The following MTMR11 variants were observed in gnomAD, a reference collection of about 807,000 sequenced individuals.
The protein encoded by MTMR11 is myotubularin-related protein 11.
In MTMR11, 89 loss-of-function variants were observed where a neutral mutation model predicts 100.0. The observed-to-expected ratio is 0.89, with a 90% CI of 0.75 to 1.06. The LOEUF (loss-of-function observed/expected upper bound fraction) is 1.06, where lower values mean the gene tolerates loss of function less well. Among genes scored for constraint, MTMR11 ranks in the 50% least tolerant of loss-of-function variants. The probability of loss-of-function intolerance (pLI) is 0.00; values close to 1 mark genes in which losing one functional copy is unlikely to be tolerated. For missense variants in MTMR11, 809 were observed against 873.7 expected (o/e 0.93, Z 0.93); for synonymous variants, 336 against 326.3 (o/e 1.03, Z -0.32).
Position 149,935,645 on chromosome 1 carries a change from C to A in MTMR11, c.203G>T (p.Gly68Val). ...VRKGLEPELS[G>V]TLICTNFRVT... The stretch of plus-strand genomic sequence containing the variant: ...CCTAAAGTTGGTACAGATCAGGGTT[C>A]CAGACAATTCTGGTTCCAGGCCCTT... The change falls in exon 3 of 17, where the codon GGA (glycine) becomes GTA (valine). Residue 68 changes from glycine to valine, a missense_variant. Physicochemically the swap from Gly to Val is moderately radical, Grantham distance 109. Transcript: ENST00000439741. 1 of 1,614,090 alleles carries A rather than the reference C, an allele frequency of 6.2e-7. No individual in the cohort carries two copies. The highest frequency in any genetic ancestry group is 8.5e-7 in the Non-Finnish European group (1 of 1,179,978).
At chr1:149,936,104 G>C (rs782144129) in intron 2 of MTMR11, 50 bp downstream of exon 2, 1 of 1,557,872 alleles carries the variant, frequency 6.4e-7, no homozygotes, top group South Asian at 1.1e-5. Context: ...AAACAAGATT[G>C]GCGTAGGATG....
Position 149,930,912 on chromosome 1 carries a change from A to C in MTMR11, c.1344T>G (p.Phe448Leu). ...LDCVWQLLQQ[F>L]PADFEFSEFF... ...ACTCAGAGAATTCAAAATCAGCTGG[A>C]AACTGCTGGAGGAGCTGCCAGACAC... The change falls in exon 14 of 17, where the codon TTT becomes TTG. Residue 448 changes from phenylalanine to leucine, a missense_variant. Physicochemically the swap from Phe to Leu is conservative, Grantham distance 22. Coordinates refer to ENST00000439741, the MANE Select transcript of MTMR11 (RefSeq NM_001145862.2). The C allele has an allele frequency of 6.2e-7, 1 of 1,613,230 alleles. No homozygotes were observed. Among genetic ancestry groups the C allele is most frequent in the African/African-American group, 1.3e-5 (1 of 74,962 alleles).
chr1:149,933,691 G>A lies in MTMR11; in HGVS notation c.779C>T (p.Ser260Phe). The A allele has an allele frequency of 6.2e-7, 1 of 1,614,174 alleles. No homozygotes were observed. Among genetic ancestry groups the A allele is most frequent in the Non-Finnish European group, 8.5e-7 (1 of 1,180,030 alleles). Residue 260 changes from serine (S) to phenylalanine (F), a missense_variant, in exon 9 of 17, where the codon TCC becomes TTC. Physicochemically the swap from Ser to Phe is radical, Grantham distance 155 (BLOSUM62 -2). Coordinates refer to ENST00000439741, the MANE Select transcript of MTMR11 (RefSeq NM_001145862.2). ...ATCACTGCCCCCAGGGTGATGCCAG[G>A]ACAAGCGCTTCACATGGGGCAGAAG... ...HFHQGRGPRL[S>F]WHHPGGSDLL...
Position 149,930,502 on chromosome 1 carries a change from G to C in MTMR11, c.1510C>G (p.Pro504Ala). The change falls in exon 15 of 17, where the codon CCA becomes GCA. Residue 504 changes from proline to alanine, a missense_variant. Pro to Ala is a conservative substitution (Grantham distance 27). Coordinates refer to ENST00000439741, the MANE Select transcript of MTMR11 (RefSeq NM_001145862.2). ...QVYTPGYSQP[P>A]AGNSFNLQLS... is the part of the protein sequence containing the mutation. The stretch of plus-strand genomic sequence containing the variant: ...TGCAGGTTAAAAGAGTTCCCAGCTG[G>C]AGGCTGGGAGTATCCTGGGGTGTAG... 1 of 1,613,924 alleles carries C rather than the reference G, an allele frequency of 6.2e-7. No homozygotes were observed. Among genetic ancestry groups the C allele is most frequent in the Admixed American group, 1.7e-5 (1 of 60,016 alleles).
rs1553766773 is a variant in MTMR11 at position 149,929,172 on chromosome 1, A to G, written c.2087T>C (p.Ile696Thr). The G allele has an allele frequency of 1.2e-6, 2 of 1,613,764 alleles. No homozygotes were observed. Among genetic ancestry groups the G allele is most frequent in the South Asian group, 2.2e-5 (2 of 91,052 alleles). The change falls in exon 17 of 17, where the codon ATT becomes ACT. Residue 696 changes from isoleucine to threonine, a missense_variant. By Grantham distance (89) the Ile-to-Thr change is moderately conservative (BLOSUM62 -1). Transcript: ENST00000439741. Reference protein sequence around the residue: ...DPHTILNPTEIAGILKGRAEG... With the variant: ...DPHTILNPTETAGILKGRAEG... The stretch of plus-strand genomic sequence containing the variant: ...TGCCCTGCCTTTGAGAATGCCAGCA[A>G]TTTCAGTGGGATTGAGAATGGTATG...
Position 149,934,439 on chromosome 1 carries a change from C to A in MTMR11, c.547+9G>T. ...AGACTCTTCCTTACCCTAAAGCACT[C>A]TCACTCACCAGCCTTGCTCAGGGTT... On this transcript the variant is annotated intron_variant, in intron 6 of 16. Coordinates refer to ENST00000439741, the MANE Select transcript of MTMR11 (RefSeq NM_001145862.2). 6.2e-7 allele frequency: 1 copy of A among 1,614,164 alleles called. No individual in the cohort carries two copies. The highest frequency in any genetic ancestry group is 8.5e-7 in the Non-Finnish European group (1 of 1,179,996).
intron 2 of MTMR11, 128 bp downstream of exon 2, chr1:149,936,026 C>G (rs61807548): frequency 1.3e-5 from 13 of 1,022,528 alleles, no homozygotes; most frequent in Non-Finnish European, 2.0e-5. Context: ...TCAGGGAGGA[C>G]AGCGAGCCTC....
chr1:149,934,316 A>C lies in MTMR11; in HGVS notation c.558T>G (p.Ser186=), dbSNP rs1210909401. Residue 186 remains serine, a synonymous_variant, in exon 7 of 17, where the codon TCT becomes TCG. Transcript: ENST00000439741. Reference sequence around the variant, plus strand: ...GAGGAATTGGTGGTTTTCTGGAGCCAGAACCCTGGCCTAGAACAGGAGTGA... The same window carrying C: ...GAGGAATTGGTGGTTTTCTGGAGCCCGAACCCTGGCCTAGAACAGGAGTGA... The part of the protein sequence containing the change: ...GITLSKAGQG[S]GSRKPPIPLM... 16 of 1,614,132 alleles carry C rather than the reference A, an allele frequency of 9.9e-6. No homozygotes were observed. Among genetic ancestry groups the C allele is most frequent in the Non-Finnish European group, 1.4e-5 (16 of 1,180,054 alleles).
intron 12 of MTMR11, 104 bp downstream of exon 12, chr1:149,931,840 C>A (rs1036171556): frequency 3.0e-6 from 3 of 1,011,158 alleles, no homozygotes; most frequent in South Asian, 1.4e-5. Flanking sequence ...TTCCCAGGAA[C>A]AGGAGAGGAA....
At position 149,936,746 on chromosome 1, in the gene MTMR11, T is replaced by C. The variant is rs1571562176; in HGVS notation, c.-99A>G. On this transcript the variant is annotated 5_prime_UTR_variant, in exon 1 of 17. Coordinates refer to ENST00000439741, the MANE Select transcript of MTMR11 (RefSeq NM_001145862.2). ...GGCTGAGTCTTGTTGAGAAGAGGGG[T>C]GTTAGGGAGAGGGGTAGGGGGTTGG... The C allele has an allele frequency of 5.0e-6, 4 of 804,900 alleles. No homozygotes were observed. The Admixed American group carries it at 8.7e-5, about 17-fold the overall frequency. 49.9% of individuals were successfully genotyped at this position (804,900 alleles called of 1,614,324 possible). A position where few individuals can be genotyped will look rare whatever the true frequency, so the allele number is the denominator to read the frequency against.
At chr1:149,936,451 T>C in intron 1 of MTMR11, 131 bp downstream of exon 1, 1 of 1,366,816 alleles carries the variant, frequency 7.3e-7, no homozygotes, top group Non-Finnish European at 9.8e-7. Flanking sequence ...CGGACCAGGC[T>C]CCATCAGCAG....
Position 149,936,627 on chromosome 1 carries a change from G to GC in MTMR11, c.20dup (p.Gln8ProfsTer21), listed in dbSNP as rs1309342975. 17 of 1,543,644 alleles carry GC rather than the reference G, an allele frequency of 1.1e-5. No individual in the cohort carries two copies. The highest frequency in any genetic ancestry group is 1.5e-5 in the Non-Finnish European group (17 of 1,140,420). On this transcript the variant is annotated frameshift_variant, in exon 1 of 17. Transcript: ENST00000439741. LOFTEE classifies it high-confidence loss of function. ...TCTGGGGGGCAATGTTGAAACTCTGGCCCCGGCCCCCCCACCACATTTCTC... is the reference window on the plus strand; with the variant it reads ...TCTGGGGGGCAATGTTGAAACTCTGGCCCCCGGCCCCCCCACCACATTTCTC...
Position 149,930,969 on chromosome 1 carries a change from A to G in MTMR11, c.1291-4T>C, listed in dbSNP as rs782750515. ...GGAAGAGGAGAAACACCGGAGCCTG[A>G]AAAGAAATTAAGAGGTTGGAAGGGA... is the stretch of plus-strand genomic sequence containing the variant. On this transcript the variant is annotated splice_polypyrimidine_tract_variant and splice_region_variant and intron_variant, in intron 13 of 16. Transcript: ENST00000439741. The G allele has an allele frequency of 3.8e-6, 6 of 1,594,022 alleles. No individual in the cohort carries two copies. The highest frequency in any genetic ancestry group is 2.2e-5 in the East Asian group (1 of 44,696).
rs1559801890 is a variant in MTMR11, at chr1:149,929,366, GC to G, written c.1942-50del. ...AGAGAAGAATACTGTTGTAGCTCTG[GC>G]CCCCTGCTTCTCTGCTACTTCTGGT... On this transcript the variant is annotated intron_variant, in intron 16 of 16. Coordinates refer to ENST00000439741, the MANE Select transcript of MTMR11 (RefSeq NM_001145862.2). The G allele has an allele frequency of 2.7e-6, 4 of 1,501,250 alleles. 1 individual carries two copies. The highest frequency in any genetic ancestry group is 2.3e-5 in the East Asian group (1 of 44,086). 93.0% of individuals were successfully genotyped at this position (1,501,250 alleles called of 1,614,324 possible).
At position 149,935,606 on chromosome 1, in the gene MTMR11, G is replaced by A; in HGVS notation, c.242C>T (p.Pro81Leu). 6.2e-7 allele frequency: 1 copy of A among 1,614,024 alleles called. No individual in the cohort carries two copies. The highest frequency in any genetic ancestry group is 8.5e-7 in the Non-Finnish European group (1 of 1,179,960). The change falls in exon 3 of 17, where the codon CCC (proline) becomes CTC (leucine). Residue 81 changes from proline to leucine, a missense_variant. Transcript: ENST00000439741. ...ICTNFRVTFQ[P>L]CGWQWNQDTP... Reference sequence around the variant, plus strand: ...CACCTGATTCCACTGCCATCCACAGGGCTGGAAGGTGACCCTAAAGTTGGT... The same window carrying A: ...CACCTGATTCCACTGCCATCCACAGAGCTGGAAGGTGACCCTAAAGTTGGT...
At chr1:149,930,320 G>T in intron 15 of MTMR11, 45 bp downstream of exon 15, 2 of 1,557,144 alleles carry the variant, frequency 1.3e-6, no homozygotes, top group Non-Finnish European at 1.8e-6. Context: ...AGTAGCATGA[G>T]CCTGTGGGAA....
At chr1:149,933,219 G>A (rs1179812092) in intron 10 of MTMR11, among the ~76,000 whole-genome samples, 187 bp downstream of exon 10, 3 of 152,158 alleles carry the variant, frequency 2.0e-5, no homozygotes, top group East Asian at 3.9e-4. Flanking sequence ...GCCTCCCATA[G>A]TGGTGGGATT....
intron 10 of MTMR11, 151 bp downstream of exon 10, chr1:149,933,255 C>G: frequency 8.5e-7 from 1 of 1,178,324 alleles, no homozygotes; most frequent in South Asian, 1.5e-5. Context: ...CATGCCCAGC[C>G]GAGACTCCGT....
rs1271417603 is a variant in MTMR11 at position 149,930,373 on chromosome 1, T to C, written c.1639A>G (p.Arg547Gly). 6.2e-7 allele frequency: 1 copy of C among 1,613,312 alleles called. No individual in the cohort carries two copies. Among genetic ancestry groups the C allele is most frequent in the African/African-American group, 1.3e-5 (1 of 74,886 alleles). ...AAGTTTAGACACTTCACCTGTGGTC[T>C]AGGGAGCCAGGAATCTGGACAGTGT... ...PEHCPDSWLP[R>G]PQPSFMVPGP... The change falls in exon 15 of 17, where the codon AGA becomes GGA. Residue 547 changes from arginine to glycine, a missense_variant. By Grantham distance (125) the Arg-to-Gly change is moderately radical. Transcript: ENST00000439741.
Sources: allele counts gnomAD v4.1 joint callset (sites outside exome capture counted in the v4.1 genomes callset), GRCh38; gene constraint gnomAD v4.1.1; transcripts MANE v1.5; gene names NCBI Gene and HGNC (gene_info 2026-07-23, HGNC 2026-07-21).